Variants in ATP12A observed in about 807,000 individuals in gnomAD.
ATP12A encodes ATPase H+/K+ transporting non-gastric alpha2 subunit.
Under a neutral mutation model 111.2 loss-of-function variants are expected in ATP12A, and 81 were observed. The ratio of observed to expected loss-of-function variants is 0.73; its 90% CI spans 0.61 to 0.88. The LOEUF (loss-of-function observed/expected upper bound fraction) is 0.88. Among genes scored for constraint, ATP12A ranks in the 40% least tolerant of loss-of-function variants. ATP12A has a pLI of 0.00. For missense variants in ATP12A, 1,196 were observed against 1,313.1 expected (o/e 0.91, Z 1.38); for synonymous variants, 498 against 499.8 (o/e 1.00, Z 0.05).
intron 14 of ATP12A, among the ~76,000 whole-genome samples, chr13:24,704,076 C>T (rs1187248129): frequency 6.6e-6 from 1 of 151,796 alleles, no homozygotes; most frequent in Non-Finnish European, 1.5e-5. Context: ...AATCTCATTG[C>T]AGCCTCCACC....
chr13:24,706,991 C>T (rs749641423), intron 15 of ATP12A, 32 bp from the exon 16 acceptor site: 17 of 1,564,042 alleles, frequency 1.1e-5, no homozygotes, highest in East Asian at 2.2e-5. Flanking sequence ...GGCCTGCTCA[C>T]TCCCACTTTC....
At chr13:24,709,279 G>GCCCCCCC in intron 17 of ATP12A, 85 bp from the exon 18 acceptor site, 1 of 211,220 alleles carries the variant, frequency 4.7e-6, no homozygotes. Context: ...TCCAGCCAGT[G>GCCCCCCC]CCCCACCCAC....
chr13:24,710,428 T>C, intron 19 of ATP12A, 32 bp from the exon 20 acceptor site: 1 of 1,611,470 alleles, frequency 6.2e-7, no homozygotes, highest in Non-Finnish European at 8.5e-7. Context: ...CCTTTAGGCC[T>C]CAAGGTCTCT....
At position 24,688,401 on chromosome 13, in the gene ATP12A, TC is replaced by T. The variant is rs751426655; in HGVS notation, c.312del (p.Ile104MetfsTer39). On this transcript the variant is annotated frameshift_variant, in exon 4 of 23. Transcript: ENST00000381946. LOFTEE classifies it high-confidence loss of function. ...ACCCCTCCCAAGCAGACGCCTGAGA[TC>T]GTCAAGTTCCTCAAGCAGATGGTGG... is the stretch of plus-strand genomic sequence containing the variant. Reference protein sequence around the residue: ...SLTPPKQTPEIVKFLKQMVGG... With the variant: ...SLTPPKQTPEXVKFLKQMVGG... 12 of 1,613,978 alleles carry T rather than the reference TC, an allele frequency of 7.4e-6. No homozygotes were observed. In the East Asian group the frequency reaches 2.7e-4, roughly 36 times the overall value.
chr13:24,710,121 C>CA (rs1270543624), intron 19 of ATP12A, among the ~76,000 whole-genome samples: 1 of 152,194 alleles, frequency 6.6e-6, no homozygotes, highest in Non-Finnish European at 1.5e-5. Context: ...TTACATCTTT[C>CA]AGGCCGGGTG....
rs1555255696 is a variant in ATP12A, at chr13:24,708,946, A to AAAGGAAGGAAGG, written c.2494-415_2494-414insGAAGGAAGGAAG. Reference sequence around the variant, plus strand: ...GAAAGAAAGAAAGAAAGAAAGAAAGAAAGAAAGAAAGAAAGAAGGAAAGAG... The same window carrying AAAGGAAGGAAGG: ...GAAAGAAAGAAAGAAAGAAAGAAAGAAAGGAAGGAAGGAAGAAAGAAAGAAAGAAGGAAAGAG... On this transcript the variant is annotated intron_variant, in intron 17 of 22. Coordinates refer to ENST00000381946, the MANE Select transcript of ATP12A (RefSeq NM_001676.7). Among the ~76,000 whole-genome samples the AAAGGAAGGAAGG allele has an allele frequency of 8.4e-3, 843 of 100,336 alleles. 13 individuals are homozygous for AAAGGAAGGAAGG. The highest frequency in any genetic ancestry group is 0.013 in the Non-Finnish European group (558 of 41,608). The allele number at this position is 100,336 out of a possible 152,430, so 65.8% of individuals were successfully genotyped here. A position where few individuals can be genotyped will look rare whatever the true frequency, so the allele number is the denominator to read the frequency against.
intron 11 of ATP12A, among the ~76,000 whole-genome samples, chr13:24,696,743 A>AAAG (rs1555254851): frequency 0.047 from 4,657 of 99,246 alleles, 965 homozygotes; most frequent in Middle Eastern, 0.088. Context: ...AAAAAAAAAA[A>AAAG]AAAGAAAGGG....
At chr13:24,691,629 TC>T in intron 8 of ATP12A, among the ~76,000 whole-genome samples, 1 of 135,346 alleles carries the variant, frequency 7.4e-6, no homozygotes, top group East Asian at 2.7e-4. Flanking sequence ...TCCACTTACC[TC>T]TCTTACGAAA....
At chr13:24,684,420 GT>G (rs1336983902) in intron 2 of ATP12A, among the ~76,000 whole-genome samples, 1 of 152,216 alleles carries the variant, frequency 6.6e-6, no homozygotes, top group East Asian at 1.9e-4. Context: ...CCAGTCAACA[GT>G]ATCAATCTTT....
At chr13:24,687,412 C>T (rs8000842) in intron 3 of ATP12A, among the ~76,000 whole-genome samples, 3,665 of 152,090 alleles carry the variant, frequency 0.024, 149 homozygotes, top group African/African-American at 0.083. Context: ...TGCAGTGAGA[C>T]GAGATCGCAC....
chr13:24,699,019 A>G (rs3816333), intron 12 of ATP12A, among the ~76,000 whole-genome samples, 169 bp downstream of exon 12: 46,719 of 152,106 alleles, frequency 0.31, 8,021 homozygotes, highest in African/African-American at 0.46. Flanking sequence ...TGACAGCACC[A>G]AGCAGGGTGG....
At chr13:24,696,088 G>A (rs12869327) in intron 11 of ATP12A, among the ~76,000 whole-genome samples, 6,825 of 152,276 alleles carry the variant, frequency 0.045, 207 homozygotes, top group South Asian at 0.12. Flanking sequence ...CTAAAAGACT[G>A]TTTTAGGATG....
chr13:24,689,114 C>A (rs963886938), intron 4 of ATP12A, 148 bp from the exon 5 acceptor site: 3 of 650,924 alleles, frequency 4.6e-6, no homozygotes, highest in East Asian at 5.2e-5. Flanking sequence ...CAATAAGTTG[C>A]GCACTTAACA....
chr13:24,695,913 GA>G (rs1875133931), intron 11 of ATP12A, among the ~76,000 whole-genome samples: 1 of 152,176 alleles, frequency 6.6e-6, no homozygotes, highest in East Asian at 1.9e-4. Context: ...CCAGCCTAGA[GA>G]AGAACTCTTG....
At chr13:24,683,652 C>T (rs758937140) in intron 2 of ATP12A, among the ~76,000 whole-genome samples, 6 of 152,154 alleles carry the variant, frequency 3.9e-5, no homozygotes, top group Non-Finnish European at 8.8e-5. Context: ...ACTGGACTGA[C>T]CTCAATTCAA....
intron 17 of ATP12A, among the ~76,000 whole-genome samples, chr13:24,708,886 GA>G (rs1396949956): frequency 4.8e-4 from 44 of 92,388 alleles, no homozygotes; most frequent in African/African-American, 1.6e-3. Flanking sequence ...GAGAGAGAAA[GA>G]GAAAGAAAGA....
At chr13:24,680,905 G>C (rs1331969326) in intron 1 of ATP12A, among the ~76,000 whole-genome samples, 153 bp downstream of exon 1, 2 of 152,236 alleles carry the variant, frequency 1.3e-5, no homozygotes, top group Non-Finnish European at 1.5e-5. Context: ...AGCGCCCCCC[G>C]GCCTGGGCAC....
At position 24,688,342 on chromosome 13, in the gene ATP12A, C is replaced by T. The variant is rs368667147; in HGVS notation, c.252C>T (p.Ala84=). Reference sequence around the variant, plus strand: ...AGGGTCTCTCCAGCACCAGAGCTGCCGAGCTCCTGGCCCGGGATGGGCCCA... The same window carrying T: ...AGGGTCTCTCCAGCACCAGAGCTGCTGAGCTCCTGGCCCGGGATGGGCCCA... ...IIMGLSSTRA[A]ELLARDGPNS... is the part of the protein sequence containing the mutation. The change falls in exon 4 of 23, where the codon GCC becomes GCT. Residue 84 remains alanine, a synonymous_variant. Transcript: ENST00000381946. 4.5e-5 allele frequency: 72 copies of T among 1,613,700 alleles called. No homozygotes were observed. Among genetic ancestry groups the T allele is most frequent in the East Asian group, 2.0e-4 (9 of 44,868 alleles).
At position 24,692,637 on chromosome 13, in the gene ATP12A, A is replaced by T. The variant is rs777177127; in HGVS notation, c.1267+10A>T. 1 of 1,609,674 alleles carries T rather than the reference A, an allele frequency of 6.2e-7. No homozygotes were observed. ...AGTGAGGACCATTCAAGTAAGTCTT[A>T]TGGAGAGCTCGGTCTGGCCAAAGCT... On this transcript the variant is annotated intron_variant, in intron 9 of 22. Coordinates refer to ENST00000381946, the MANE Select transcript of ATP12A (RefSeq NM_001676.7).
Sources: gnomAD v4.1 joint callset for allele counts (sites outside exome capture counted in the v4.1 genomes callset) on GRCh38, gnomAD v4.1.1 for gene constraint, MANE v1.5 for transcripts, NCBI Gene and HGNC (gene_info 2026-07-23, HGNC 2026-07-21) for gene names.